Variants in ASAP1 observed in about 807,000 individuals in gnomAD.
The protein encoded by ASAP1 is arf-GAP with SH3 domain, ANK repeat and PH domain-containing protein 1.
Under a neutral mutation model 145.2 loss-of-function variants are expected in ASAP1, and 43 were observed. The ratio of observed to expected loss-of-function variants is 0.30; its 90% CI spans 0.23 to 0.38. The LOEUF is 0.38. Ranked by LOEUF, ASAP1 falls within the 10% of genes least tolerant of loss-of-function variation. ASAP1 has a pLI of 1.00. For synonymous variants in ASAP1, 546 were observed against 515.5 expected, an observed-to-expected ratio of 1.06 and a Z score of -0.80; for missense variants, 1,018 against 1,355.3, an observed-to-expected ratio of 0.75 and a Z score of 3.91.
At chr8:130,374,859 T>C (rs1453480445) in intron 2 of ASAP1, among the ~76,000 whole-genome samples, 1 of 152,196 alleles carries the variant, frequency 6.6e-6, no homozygotes, top group Non-Finnish European at 1.5e-5. Context: ...CCCTTAAGGA[T>C]AGTGGTGTCG....
intron 27 of ASAP1, chr8:130,069,544 G>A (rs2097437703): frequency 6.6e-6 from 1 of 152,134 alleles, no homozygotes; most frequent in Non-Finnish European, 1.5e-5. Flanking sequence ...CCAAAACAAA[G>A]GTCTTTTTTT....
chr8:130,218,835 T>C (rs1156303863), intron 4 of ASAP1, among the ~76,000 whole-genome samples: 17 of 144,902 alleles, frequency 1.2e-4, no homozygotes, highest in Non-Finnish European at 3.1e-5. Flanking sequence ...TGAATAACCA[T>C]GTAGTCTCTT....
chr8:130,060,828 A>T lies in ASAP1; in HGVS notation c.2943T>A (p.Pro981=). 4 of 1,613,006 alleles carry T rather than the reference A, an allele frequency of 2.5e-6. No homozygotes were observed. Among genetic ancestry groups the T allele is most frequent in the Non-Finnish European group, 3.4e-6 (4 of 1,179,778 alleles). Residue 981 remains proline, a synonymous_variant, in exon 28 of 30, where the codon CCT becomes CCA. Coordinates refer to ENST00000518721, the MANE Select transcript of ASAP1 (RefSeq NM_018482.4). ...LPPKPQLSDL[P]PKPQMKDLPP... ...GCAGGTCCTTCATCTGTGGTTTGGG[A>T]GGTAAGTCTGAGAGTTGGGGTTTGG...
intron 3 of ASAP1, among the ~76,000 whole-genome samples, chr8:130,265,955 T>G (rs560125687): frequency 6.6e-6 from 1 of 152,236 alleles, no homozygotes; most frequent in South Asian, 2.1e-4. Context: ...ATGGCTAACA[T>G]CCATAGTGAG....
rs1209994431 is a variant in ASAP1, at chr8:130,246,505, G to A, written c.187-9511C>T. On this transcript the variant is annotated intron_variant, in intron 3 of 29. Coordinates refer to ENST00000518721, the MANE Select transcript of ASAP1 (RefSeq NM_018482.4). ...CATAATAGTGAGTGAGTTCTCACAA[G>A]ATCTGATGGTTAAAAAGTACGGTGC... Among the ~76,000 whole-genome samples, 10 of 152,216 alleles carry A rather than the reference G, an allele frequency of 6.6e-5. No homozygotes were observed. In the Middle Eastern group the frequency reaches 0.01, roughly 155 times the overall value.
At chr8:130,090,663 C>A (rs139167483) in intron 25 of ASAP1, among the ~76,000 whole-genome samples, 1 of 152,328 alleles carries the variant, frequency 6.6e-6, no homozygotes, top group African/African-American at 2.4e-5. Context: ...TAATGACTTA[C>A]CCACGTGTGT....
At chr8:130,125,905 A>G (rs1477303437) in intron 17 of ASAP1, 51 bp downstream of exon 17, 1 of 1,542,616 alleles carries the variant, frequency 6.5e-7, no homozygotes, top group South Asian at 1.2e-5. Context: ...AATATATTAA[A>G]ATTACTCATG....
intron 2 of ASAP1, among the ~76,000 whole-genome samples, chr8:130,364,065 T>TA (rs1410295098): frequency 4.6e-5 from 7 of 151,870 alleles, no homozygotes; most frequent in Admixed American, 6.6e-5. Context: ...ATAATAATAA[T>TA]TAAAAAAAGC....
chr8:130,107,515 AATGT>A (rs71302393), intron 24 of ASAP1, among the ~76,000 whole-genome samples: 12,618 of 101,308 alleles, frequency 0.12, 956 homozygotes, highest in African/African-American at 0.23. Context: ...TTTTTTAAAA[AATGT>A]ATGTATGTAT....
chr8:130,399,880 C>G (rs186619577), intron 2 of ASAP1, among the ~76,000 whole-genome samples: 1 of 141,482 alleles, frequency 7.1e-6, no homozygotes. Context: ...AGTACAATGG[C>G]GCAATCTCGG....
intron 2 of ASAP1, among the ~76,000 whole-genome samples, chr8:130,400,304 C>G (rs1013717436): frequency 6.6e-6 from 1 of 152,136 alleles, no homozygotes; most frequent in East Asian, 1.9e-4. Flanking sequence ...CAAGTTTTCC[C>G]GGCCTAGCTT....
chr8:130,062,631 G>A (rs1289569935), intron 27 of ASAP1, among the ~76,000 whole-genome samples: 2 of 152,214 alleles, frequency 1.3e-5, no homozygotes, highest in African/African-American at 4.8e-5. Context: ...GAAACTCTAA[G>A]TGCCAGGCAT....
At chr8:130,351,943 T>C (rs1826020257) in intron 3 of ASAP1, among the ~76,000 whole-genome samples, 1 of 152,208 alleles carries the variant, frequency 6.6e-6, no homozygotes, top group Non-Finnish European at 1.5e-5. Flanking sequence ...ACATATACAA[T>C]TTCCTTCTCC....
intron 12 of ASAP1, among the ~76,000 whole-genome samples, chr8:130,157,668 T>C (rs113129396): frequency 2.0e-5 from 3 of 152,310 alleles, no homozygotes; most frequent in Non-Finnish European, 4.4e-5. Context: ...GCTTGCTCAC[T>C]ACTCTAGCTA....
chr8:130,439,052 G>A (rs1228389777), intron 1 of ASAP1, among the ~76,000 whole-genome samples: 1 of 152,204 alleles, frequency 6.6e-6, no homozygotes, highest in Non-Finnish European at 1.5e-5. Context: ...AGGGAGAGTA[G>A]CCTAGATTAT....
At chr8:130,242,274 A>AC (rs1818577982) in intron 3 of ASAP1, among the ~76,000 whole-genome samples, 1 of 150,486 alleles carries the variant, frequency 6.6e-6, no homozygotes, top group African/African-American at 2.4e-5. Context: ...AAAAAAAAAA[A>AC]AAAAAAAAAC....
chr8:130,400,770 A>G (rs536033457), intron 2 of ASAP1, among the ~76,000 whole-genome samples: 7 of 150,724 alleles, frequency 4.6e-5, no homozygotes, highest in Non-Finnish European at 8.9e-5. Flanking sequence ...CAGCCTGGGC[A>G]ACAGAGCCAG....
intron 11 of ASAP1, among the ~76,000 whole-genome samples, chr8:130,162,001 T>C (rs1005912891): frequency 2.0e-5 from 3 of 152,138 alleles, no homozygotes; most frequent in Non-Finnish European, 4.4e-5. Context: ...GGTTTCACTG[T>C]GTTGCCCAGG....
rs181352915 is a variant in ASAP1 at position 130,285,927 on chromosome 8, T to C, written c.187-48933A>G. 3.3e-5 allele frequency among the ~76,000 whole-genome samples: 5 copies of C among 152,342 alleles called. No individual in the cohort carries two copies. The East Asian group carries it at 9.6e-4, about 29-fold the overall frequency. Reference sequence around the variant, plus strand: ...TGAGCCAAGGCTTTACTGGAACAGATATCATAAATAATTTGCTACCTGTCT... The same window carrying C: ...TGAGCCAAGGCTTTACTGGAACAGACATCATAAATAATTTGCTACCTGTCT... On this transcript the variant is annotated intron_variant, in intron 3 of 29. Coordinates refer to ENST00000518721, the MANE Select transcript of ASAP1 (RefSeq NM_018482.4).
Sources: allele counts gnomAD v4.1 joint callset (sites outside exome capture counted in the v4.1 genomes callset), GRCh38; gene constraint gnomAD v4.1.1; transcripts MANE v1.5; gene names NCBI Gene and HGNC (gene_info 2026-07-23, HGNC 2026-07-21).